Variants in WDR44 observed in about 807,000 individuals in gnomAD.
WDR44 encodes the protein WD repeat domain 44, also known as WD repeat-containing protein 44.
A neutral mutation model predicts 65.7 loss-of-function variants in WDR44; 9 were observed. The observed-to-expected ratio is 0.14, with a 90% CI of 0.08 to 0.24. The LOEUF (loss-of-function observed/expected upper bound fraction) is 0.24. WDR44 is among the 10% of genes least tolerant of loss of function. The probability of loss-of-function intolerance (pLI) is 1.00; values close to 1 mark genes in which losing one functional copy is unlikely to be tolerated. For missense variants in WDR44, 425 were observed against 670.9 expected (o/e 0.63, Z 4.05); for synonymous variants, 220 against 235.2 (o/e 0.94, Z 0.59).
intron 13 of WDR44, chrX:118,436,396 A>G (rs1409423383): frequency 3.5e-6 from 1 of 287,087 alleles, no homozygotes; most frequent in African/African-American, 2.7e-5. Context: ...TGTGCAGGTG[A>G]TAACAACTAA....
At chrX:118,407,436 G>A (rs1239306216) in intron 10 of WDR44, among the ~76,000 whole-genome samples, 1 of 109,252 alleles carries the variant, frequency 9.2e-6, no homozygotes, top group Non-Finnish European at 1.9e-5. Context: ...AGGAGGCAGA[G>A]GTTGTGGTGA....
intron 12 of WDR44, among the ~76,000 whole-genome samples, chrX:118,429,543 C>T (rs1378183735): frequency 4.8e-5 from 5 of 104,111 alleles, no homozygotes; most frequent in African/African-American, 1.4e-4. Context: ...GAGCCAAGAT[C>T]GTGCCACTGC....
chrX:118,447,172 CTTT>C, intron 19 of WDR44: 1 of 254,642 alleles, frequency 3.9e-6, no homozygotes. Flanking sequence ...CATACCTGGC[CTTT>C]TTTTCTTTTC....
At chrX:118,445,535 C>T (rs991322017) in intron 19 of WDR44, among the ~76,000 whole-genome samples, 2 of 112,110 alleles carry the variant, frequency 1.8e-5, no homozygotes, top group Non-Finnish European at 3.8e-5. Flanking sequence ...ATGAATTAAA[C>T]CCAAATGAAG....
In WDR44 at chrX:118,395,186, A is replaced by G. The variant is rs931685356; in HGVS notation, c.958-63A>G. On this transcript the variant is annotated intron_variant, in intron 5 of 19. Transcript: ENST00000254029. ...GAAATTCTTTAGAATTATATGTGGT[A>G]ATAATTGAAAATTTATAGAAATTGA... 5 of 970,252 alleles carry G rather than the reference A, an allele frequency of 5.2e-6. No individual in the cohort carries two copies. The Admixed American group carries it at 1.3e-4, about 25-fold the overall frequency. The allele number at this position is 970,252 out of a possible 1,213,427, so 80.0% of individuals were successfully genotyped here. A position where few individuals can be genotyped will look rare whatever the true frequency, so the allele number is the denominator to read the frequency against.
At chrX:118,360,547 A>G (rs2147666450) in intron 1 of WDR44, among the ~76,000 whole-genome samples, 1 of 111,799 alleles carries the variant, frequency 8.9e-6, no homozygotes, top group Non-Finnish European at 1.9e-5. Context: ...TTAGTTTGCT[A>G]TCAAATCTTA....
intron 1 of WDR44, among the ~76,000 whole-genome samples, chrX:118,368,976 C>T (rs1180722836): frequency 9.2e-6 from 1 of 108,920 alleles, no homozygotes; most frequent in Non-Finnish European, 1.9e-5. Flanking sequence ...AATCCACCCA[C>T]CTTGGCCTCC....
At position 118,395,352 on chromosome X, in the gene WDR44, T is replaced by C. The variant is rs1480248718; in HGVS notation, c.1053+8T>C. The C allele has an allele frequency of 8.5e-7, 1 of 1,180,406 alleles. No individual in the cohort carries two copies. The highest frequency in any genetic ancestry group is 1.1e-6 in the Non-Finnish European group (1 of 876,295). On this transcript the variant is annotated splice_region_variant and intron_variant, in intron 6 of 19. Coordinates refer to ENST00000254029, the MANE Select transcript of WDR44 (RefSeq NM_019045.5). ...AGAGAGCTTACTGATGAGGTAGAAA[T>C]AGATTTTTTTGTTCTTGTTCTTAAA...
At position 118,445,470 on chromosome X, in the gene WDR44, C is replaced by T. The variant is rs369122859; in HGVS notation, c.2647+976C>T. On this transcript the variant is annotated intron_variant, in intron 19 of 19. Coordinates refer to ENST00000254029, the MANE Select transcript of WDR44 (RefSeq NM_019045.5). ...TTATTTATTGCTGTATTGCCAGTGT[C>T]TCTCACAATGCTTGCCTACACATAG... Among the ~76,000 whole-genome samples the T allele has an allele frequency of 2.6e-4, 29 of 112,204 alleles. No individual in the cohort carries two copies. In the South Asian group the frequency reaches 9.2e-3, roughly 36 times the overall value.
intron 1 of WDR44, among the ~76,000 whole-genome samples, chrX:118,360,593 C>T (rs1159692891): frequency 9.0e-6 from 1 of 111,423 alleles, no homozygotes. Context: ...AATCAAAACT[C>T]TTTAATTAGT....
chrX:118,385,089 A>T (rs1209606148), intron 2 of WDR44, among the ~76,000 whole-genome samples: 4 of 111,827 alleles, frequency 3.6e-5, no homozygotes, highest in Non-Finnish European at 7.5e-5. Flanking sequence ...GGTTATCTAG[A>T]TATAAGATCA....
intron 1 of WDR44, among the ~76,000 whole-genome samples, chrX:118,352,149 TTTTTTG>T (rs1239981385): frequency 4.7e-4 from 31 of 65,970 alleles, no homozygotes; most frequent in Middle Eastern, 5.8e-3. Context: ...TTGTTTTTTG[TTTTTTG>T]TTTTTTTTTT....
Position 118,449,135 on chromosome X carries a change from C to A in WDR44, c.*148C>A. ...TTTTTTGAGAGGCAGTGTTAATGATCTAGGAAACCCTGGGCTGATAGAGTA... is the reference window on the plus strand; with the variant it reads ...TTTTTTGAGAGGCAGTGTTAATGATATAGGAAACCCTGGGCTGATAGAGTA... On this transcript the variant is annotated 3_prime_UTR_variant, in exon 20 of 20. Transcript: ENST00000254029. 2.7e-6 allele frequency: 1 copy of A among 372,106 alleles called. No individual in the cohort carries two copies. The highest frequency in any genetic ancestry group is 2.5e-5 in the African/African-American group (1 of 39,464). The allele number at this position is 372,106 out of a possible 1,213,427, so 30.7% of individuals were successfully genotyped here.
intron 11 of WDR44, among the ~76,000 whole-genome samples, chrX:118,410,225 C>T (rs190286547): frequency 9.0e-5 from 10 of 111,153 alleles, no homozygotes; most frequent in East Asian, 2.8e-4. Flanking sequence ...CCACACCCTC[C>T]CCGCCATCAA....
Position 118,438,797 on chromosome X carries a change from G to GTTTTTTTTTTTTTTTTTTT in WDR44, c.1974+1976_1974+1994dup, listed in dbSNP as rs1213083479. On this transcript the variant is annotated intron_variant, in intron 14 of 19. Coordinates refer to ENST00000254029, the MANE Select transcript of WDR44 (RefSeq NM_019045.5). Reference sequence around the variant, plus strand: ...TTTATTAAACTTTCTGTTCAGCCATGTTTTTTTTTTTTTTTTTTTTTGAAG... The same window carrying GTTTTTTTTTTTTTTTTTTT: ...TTTATTAAACTTTCTGTTCAGCCATGTTTTTTTTTTTTTTTTTTTTTTTTTTTTTTTTTTTTTTTTGAAG... Among the ~76,000 whole-genome samples the GTTTTTTTTTTTTTTTTTTT allele has an allele frequency of 3.4e-4, 22 of 64,036 alleles. 1 individual carries two copies. The highest frequency in any genetic ancestry group is 1.4e-3 in the Admixed American group (6 of 4,147). 55.6% of individuals were successfully genotyped at this position (64,036 alleles called of 115,157 possible).
chrX:118,369,986 G>A (rs1281314484), intron 1 of WDR44, among the ~76,000 whole-genome samples: 1 of 111,706 alleles, frequency 9.0e-6, no homozygotes, highest in Non-Finnish European at 1.9e-5. Flanking sequence ...TGTTTCAGAC[G>A]TTGCTTTTTG....
At chrX:118,377,770 C>T (rs1358870352) in intron 1 of WDR44, among the ~76,000 whole-genome samples, 1 of 102,230 alleles carries the variant, frequency 9.8e-6, no homozygotes, top group African/African-American at 3.6e-5. Flanking sequence ...CTGTCTCCCC[C>T]AAGCTGGAGT....
intron 2 of WDR44, among the ~76,000 whole-genome samples, chrX:118,380,693 A>G (rs1207897454): frequency 8.9e-6 from 1 of 112,042 alleles, no homozygotes; most frequent in Admixed American, 9.6e-5. Flanking sequence ...GTCTGATGGA[A>G]GAGACATGTA....
chrX:118,358,918 C>A (rs900838437), intron 1 of WDR44, among the ~76,000 whole-genome samples: 1 of 110,476 alleles, frequency 9.1e-6, no homozygotes, highest in African/African-American at 3.3e-5. Flanking sequence ...ACTAAAAATA[C>A]AGAAAGTTAG....
Sources: allele counts gnomAD v4.1 joint callset (sites outside exome capture counted in the v4.1 genomes callset), GRCh38; gene constraint gnomAD v4.1.1; transcripts MANE v1.5; gene names NCBI Gene and HGNC (gene_info 2026-07-23, HGNC 2026-07-21).